Variants in TMEM44 observed in about 807,000 individuals in gnomAD.
TMEM44 encodes transmembrane protein 44.
TMEM44 carries 43 observed loss-of-function variants against 47.8 expected under a neutral mutation model. The observed-to-expected ratio is 0.90, with a 90% CI of 0.70 to 1.16. TMEM44 has a LOEUF of 1.16. Ranked by LOEUF, TMEM44 falls within the 50% of genes most tolerant of loss-of-function variation. The pLI, the probability that TMEM44 is intolerant of heterozygous loss-of-function variation, is 0.00. For missense variants in TMEM44, 568 were observed against 555.2 expected (o/e 1.02, Z -0.23); for synonymous variants, 277 against 238.8 (o/e 1.16, Z -1.48).
chr3:194,630,995 C>G (rs1345422430), intron 1 of TMEM44, among the ~76,000 whole-genome samples: 30 of 132,306 alleles, frequency 2.3e-4, no homozygotes, highest in African/African-American at 7.9e-4. Context: ...TGAAATAATA[C>G]GCTGTTGTAC....
chr3:194,589,382 C>T (rs893236628), intron 9 of TMEM44: 1 of 152,360 alleles, frequency 6.6e-6, no homozygotes, highest in Non-Finnish European at 1.5e-5. Flanking sequence ...GAGCTCTCAC[C>T]TGCCTTTCTC....
intron 7 of TMEM44, among the ~76,000 whole-genome samples, chr3:194,613,699 G>T (rs1422756935): frequency 6.6e-6 from 1 of 150,576 alleles, no homozygotes; most frequent in Non-Finnish European, 1.5e-5. Flanking sequence ...TCACCACGTT[G>T]GTCAGGCTGG....
At chr3:194,624,596 G>A (rs1483161208) in intron 3 of TMEM44, among the ~76,000 whole-genome samples, 1 of 151,526 alleles carries the variant, frequency 6.6e-6, no homozygotes, top group Non-Finnish European at 1.5e-5. Context: ...TTTTTAAAAT[G>A]TTTGTAGAGA....
At chr3:194,621,743 G>A (rs1390102684) in intron 5 of TMEM44, among the ~76,000 whole-genome samples, 2 of 150,686 alleles carry the variant, frequency 1.3e-5, no homozygotes, top group Admixed American at 6.6e-5. Context: ...TTTAGATGGA[G>A]TAGTGCTCAG....
chr3:194,590,346 T>G (rs1019391367), intron 9 of TMEM44: 5 of 152,254 alleles, frequency 3.3e-5, no homozygotes, highest in Admixed American at 2.0e-4. Context: ...CTGCAGTGAC[T>G]GGGTTTGGGC....
Position 194,588,309 on chromosome 3 carries a change from C to T in TMEM44, c.*220G>A, listed in dbSNP as rs775047518. Reference sequence around the variant, plus strand: ...CTTCTGTGAACTGTGATCTTCAGAACGAATGCTGGGCCTATCCAGGTCTGT... The same window carrying T: ...CTTCTGTGAACTGTGATCTTCAGAATGAATGCTGGGCCTATCCAGGTCTGT... On this transcript the variant is annotated 3_prime_UTR_variant, in exon 10 of 10. Transcript: ENST00000347147. The T allele has an allele frequency of 7.5e-5, 39 of 517,558 alleles. No individual in the cohort carries two copies. The highest frequency in any genetic ancestry group is 1.4e-4 in the South Asian group (5 of 34,902). 32.1% of individuals were successfully genotyped at this position (517,558 alleles called of 1,614,324 possible).
chr3:194,624,767 C>T (rs557195676), intron 3 of TMEM44, among the ~76,000 whole-genome samples: 2 of 150,990 alleles, frequency 1.3e-5, no homozygotes, highest in African/African-American at 2.4e-5. Context: ...TTGTTGCCCA[C>T]GTTGGAGTGC....
At chr3:194,588,744 C>A in intron 9 of TMEM44, 105 bp from the exon 10 acceptor site, 2 of 1,130,252 alleles carry the variant, frequency 1.8e-6, no homozygotes, top group Non-Finnish European at 2.6e-6. Flanking sequence ...TTCTCATGAT[C>A]CAGGCACAGA....
intron 5 of TMEM44, among the ~76,000 whole-genome samples, chr3:194,622,095 T>G (rs1007711669): frequency 2.6e-5 from 4 of 152,250 alleles, no homozygotes; most frequent in Non-Finnish European, 5.9e-5. Context: ...GGAACAGTTG[T>G]CTCAGAGTCG....
intron 5 of TMEM44, among the ~76,000 whole-genome samples, chr3:194,619,258 C>T (rs187910197): frequency 6.6e-6 from 1 of 152,178 alleles, no homozygotes. Context: ...CTGGGGCCGA[C>T]CCTGAAAAAA....
Position 194,593,829 on chromosome 3 carries a change from G to A in TMEM44, c.1177-5190C>T, listed in dbSNP as rs191191776. 9.9e-5 allele frequency among the ~76,000 whole-genome samples: 15 copies of A among 152,156 alleles called. No homozygotes were observed. In the East Asian group the frequency reaches 2.7e-3, roughly 27 times the overall value. ...AAAAAATCAATTAATTAATTTTTTT[G>A]AGAGAGGGGCTTGCTCTGTCGCCCA... is the stretch of plus-strand genomic sequence containing the variant. On this transcript the variant is annotated intron_variant, in intron 9 of 9. Coordinates refer to ENST00000347147, the MANE Select transcript of TMEM44 (RefSeq NM_001011655.3).
rs1716846464 is a variant in TMEM44, at chr3:194,623,769, A to C, written c.359-74T>G. On this transcript the variant is annotated intron_variant, in intron 3 of 9. Coordinates refer to ENST00000347147, the MANE Select transcript of TMEM44 (RefSeq NM_001011655.3). ...TCAGATCAGATAGCTGCGTGGGAAG[A>C]ACTGGTGTCAGCTCCCCACATGATG... is the stretch of plus-strand genomic sequence containing the variant. 3.2e-5 allele frequency: 50 copies of C among 1,581,912 alleles called. No individual in the cohort carries two copies. In the South Asian group the frequency reaches 5.1e-4, roughly 16 times the overall value.
intron 5 of TMEM44, among the ~76,000 whole-genome samples, chr3:194,621,670 C>T (rs535328863): frequency 6.6e-6 from 1 of 152,236 alleles, no homozygotes; most frequent in African/African-American, 2.4e-5. Context: ...AGCCCTGAAT[C>T]CTGTTCCCCT....
chr3:194,633,082 G>A lies in TMEM44; in HGVS notation c.134C>T (p.Ala45Val), dbSNP rs2108608987. Residue 45 changes from alanine to valine, a missense_variant, in exon 1 of 10, where the codon GCG becomes GTG. Coordinates refer to ENST00000347147, the MANE Select transcript of TMEM44 (RefSeq NM_001011655.3). The stretch of plus-strand genomic sequence containing the variant: ...CCCCGACCCGTGGCCCCATTACAGC[G>A]CGTGGGCGGCGATCCAGCAGGAGGA... ...CASSCWIAAH[A>V]LLLYLRCAQK... 1 of 1,546,642 alleles carries A rather than the reference G, an allele frequency of 6.5e-7. No homozygotes were observed. The highest frequency in any genetic ancestry group is 8.7e-7 in the Non-Finnish European group (1 of 1,146,018).
At chr3:194,616,863 C>T in intron 6 of TMEM44, 1 of 554,324 alleles carries the variant, frequency 1.8e-6, no homozygotes, top group Non-Finnish European at 3.2e-6. Context: ...CCACTGCACT[C>T]CAGCCTGGGC....
At position 194,623,232 on chromosome 3, in the gene TMEM44, A is replaced by G. The variant is rs769292255; in HGVS notation, c.604T>C (p.Ser202Pro). 51 of 1,607,856 alleles carry G rather than the reference A, an allele frequency of 3.2e-5. No homozygotes were observed. The highest frequency in any genetic ancestry group is 4.2e-5 in the Non-Finnish European group (50 of 1,177,390). ...CCCACCCCCGGCCTCACAATTCTGG[A>G]GAGAGGGGGGATCCGAGAAGCCCAG... ...GSWASRIPPLSRICRGKTFPS... is the reference protein window; with the variant it reads ...GSWASRIPPLPRICRGKTFPS... Residue 202 changes from serine (S) to proline (P), a missense_variant, in exon 5 of 10, where the codon TCC becomes CCC. By Grantham distance (74) the Ser-to-Pro change is moderately conservative (BLOSUM62 -1). Transcript: ENST00000347147.
intron 5 of TMEM44, among the ~76,000 whole-genome samples, chr3:194,621,861 G>A (rs111600625): frequency 0.05 from 7,632 of 152,176 alleles, 666 homozygotes; most frequent in African/African-American, 0.17. Flanking sequence ...ACAGGCACCC[G>A]CCACCACGCC....
intron 9 of TMEM44, among the ~76,000 whole-genome samples, chr3:194,595,538 T>C (rs1182646891): frequency 1.3e-5 from 2 of 152,202 alleles, no homozygotes; most frequent in South Asian, 2.1e-4. Flanking sequence ...CTCCACAGTC[T>C]TGGGGAGGTG....
chr3:194,622,791 GC>G, intron 5 of TMEM44: 1 of 160,854 alleles, frequency 6.2e-6, no homozygotes, highest in Non-Finnish European at 1.3e-5. Flanking sequence ...CAAGCGACCC[GC>G]CCCGCCTCGG....
Sources: gnomAD v4.1 joint callset for allele counts (sites outside exome capture counted in the v4.1 genomes callset) on GRCh38, gnomAD v4.1.1 for gene constraint, MANE v1.5 for transcripts, NCBI Gene and HGNC (gene_info 2026-07-23, HGNC 2026-07-21) for gene names.